Variants in RALYL observed in about 807,000 individuals in gnomAD.
The protein encoded by RALYL is RNA-binding Raly-like protein.
Under a neutral mutation model 35.1 loss-of-function variants are expected in RALYL, and 29 were observed. The ratio of observed to expected loss-of-function variants is 0.83; its 90% CI spans 0.61 to 1.13. RALYL has a LOEUF of 1.13. Ranked by LOEUF, RALYL falls within the 50% of genes most tolerant of loss-of-function variation. The probability of loss-of-function intolerance (pLI) is 0.00; values close to 1 mark genes in which losing one functional copy is unlikely to be tolerated. For missense variants in RALYL, 359 were observed against 360.4 expected (o/e 1.00, Z 0.03); for synonymous variants, 120 against 127.6 (o/e 0.94, Z 0.40).
At chr8:84,374,560 T>C (rs1340766052) in intron 1 of RALYL, among the ~76,000 whole-genome samples, 3 of 151,880 alleles carry the variant, frequency 2.0e-5, no homozygotes, top group African/African-American at 7.2e-5. Context: ...AATGAGATCA[T>C]GTCTTTTGTG....
At chr8:84,903,299 A>G (rs887661983) in intron 8 of RALYL, among the ~76,000 whole-genome samples, 1 of 152,202 alleles carries the variant, frequency 6.6e-6, no homozygotes, top group South Asian at 2.1e-4. Context: ...GAACTAATCA[A>G]GATAAAACAG....
intron 2 of RALYL, chr8:84,665,861 A>T (rs772998229): frequency 1.3e-5 from 2 of 152,064 alleles, no homozygotes; most frequent in Non-Finnish European, 2.9e-5. Flanking sequence ...TGCTAAAGCA[A>T]GCACAAACAC....
intron 1 of RALYL, among the ~76,000 whole-genome samples, chr8:84,450,932 G>T (rs2049401222): frequency 6.6e-6 from 1 of 151,882 alleles, no homozygotes; most frequent in African/African-American, 2.4e-5. Flanking sequence ...CATACATGGG[G>T]TTCTGCTTAT....
At chr8:84,489,823 C>T (rs2134015175) in intron 1 of RALYL, among the ~76,000 whole-genome samples, 1 of 152,024 alleles carries the variant, frequency 6.6e-6, no homozygotes, top group African/African-American at 2.4e-5. Context: ...ACCCAAAGTG[C>T]ATGGAAATAA....
intron 1 of RALYL, among the ~76,000 whole-genome samples, chr8:84,345,862 G>T (rs746892556): frequency 6.6e-6 from 1 of 152,074 alleles, no homozygotes; most frequent in Non-Finnish European, 1.5e-5. Context: ...TAATTATGAT[G>T]CATGCCGTGG....
chr8:84,883,279 T>G (rs956216664), intron 7 of RALYL, among the ~76,000 whole-genome samples: 2 of 152,090 alleles, frequency 1.3e-5, no homozygotes, highest in Non-Finnish European at 2.9e-5. Context: ...ATCGTCAGAA[T>G]CACATGTATA....
At chr8:84,682,774 A>T (rs564640502) in intron 2 of RALYL, among the ~76,000 whole-genome samples, 1 of 150,016 alleles carries the variant, frequency 6.7e-6, no homozygotes, top group South Asian at 2.1e-4. Context: ...AATTTTGTTG[A>T]TCTTTTCAAA....
intron 2 of RALYL, among the ~76,000 whole-genome samples, chr8:84,735,676 A>T (rs1271529025): frequency 6.6e-6 from 1 of 151,922 alleles, no homozygotes; most frequent in African/African-American, 2.4e-5. Context: ...TTTTACTAGT[A>T]CCCTTATACA....
intron 2 of RALYL, among the ~76,000 whole-genome samples, chr8:84,591,695 T>C (rs1813326907): frequency 6.6e-6 from 1 of 152,102 alleles, no homozygotes; most frequent in South Asian, 2.1e-4. Context: ...CCAATATCAC[T>C]CATAAAATAC....
chr8:84,893,475 AG>A (rs1844216754), intron 8 of RALYL, among the ~76,000 whole-genome samples: 1 of 152,230 alleles, frequency 6.6e-6, no homozygotes, highest in Admixed American at 6.5e-5. Context: ...GAAATACTAT[AG>A]GAAAGCTAGT....
At chr8:84,896,505 C>T (rs1053660701) in intron 8 of RALYL, among the ~76,000 whole-genome samples, 1 of 152,154 alleles carries the variant, frequency 6.6e-6, no homozygotes, top group Non-Finnish European at 1.5e-5. Flanking sequence ...CTAATAACTG[C>T]CTACCTTGCT....
intron 1 of RALYL, among the ~76,000 whole-genome samples, chr8:84,494,382 T>A: frequency 6.6e-6 from 1 of 152,128 alleles, no homozygotes; most frequent in East Asian, 1.9e-4. Flanking sequence ...GTCTTTGCTA[T>A]GTGGGCTTTT....
intron 4 of RALYL, among the ~76,000 whole-genome samples, chr8:84,833,656 A>G (rs989929859): frequency 6.6e-6 from 1 of 151,674 alleles, no homozygotes; most frequent in African/African-American, 2.4e-5. Context: ...AAAAAAAAAA[A>G]AAGAAAGAAA....
chr8:84,529,698 A>G, intron 2 of RALYL, 121 bp downstream of exon 2: 1 of 703,898 alleles, frequency 1.4e-6, no homozygotes, highest in Non-Finnish European at 2.2e-6. Flanking sequence ...GAGTGATTTT[A>G]TATTTATTAT....
chr8:84,864,670 G>T, intron 6 of RALYL: 2 of 415,706 alleles, frequency 4.8e-6, no homozygotes, highest in East Asian at 5.0e-5. Flanking sequence ...AGGGATTACT[G>T]CAGAGAGACA....
chr8:84,780,458 A>T (rs972308712), intron 3 of RALYL, among the ~76,000 whole-genome samples: 2 of 152,242 alleles, frequency 1.3e-5, no homozygotes, highest in African/African-American at 4.8e-5. Flanking sequence ...CTGAATATCC[A>T]TACATCTGGG....
At chr8:84,869,369 A>G (rs1839770251) in intron 6 of RALYL, among the ~76,000 whole-genome samples, 1 of 124,172 alleles carries the variant, frequency 8.1e-6, no homozygotes, top group Non-Finnish European at 1.6e-5. Flanking sequence ...TTTGTTTTGG[A>G]CATTCAAATA....
rs536074203 is a variant in RALYL, at chr8:84,197,801, G to A, written c.-24+13377G>A. Among the ~76,000 whole-genome samples the A allele has an allele frequency of 9.3e-5, 14 of 150,804 alleles. No individual in the cohort carries two copies. In the East Asian group the frequency reaches 2.5e-3, roughly 27 times the overall value. The stretch of plus-strand genomic sequence containing the variant: ...AAAAAAAAAAAGACAAAAAAAATAA[G>A]CGAAACTTATTTTGGATTATTTATC... On this transcript the variant is annotated intron_variant, in intron 1 of 8. Transcript: ENST00000521268.
intron 1 of RALYL, among the ~76,000 whole-genome samples, chr8:84,203,685 T>C (rs919562207): frequency 5.9e-5 from 9 of 152,172 alleles, no homozygotes; most frequent in Non-Finnish European, 1.2e-4. Context: ...AAGTGCAATA[T>C]AGATAGCTTG....
Sources: gnomAD v4.1 joint callset for allele counts (sites outside exome capture counted in the v4.1 genomes callset) on GRCh38, gnomAD v4.1.1 for gene constraint, MANE v1.5 for transcripts, NCBI Gene and HGNC (gene_info 2026-07-23, HGNC 2026-07-21) for gene names.